Variants in IFNG-AS1 observed in about 807,000 individuals in gnomAD.
IFNG-AS1 encodes the protein IFNG regulatory antisense RNA 1.
At chr12:67,990,654 C>T (rs1418343148) in intron 1 of IFNG-AS1, among the ~76,000 whole-genome samples, 1 of 151,216 alleles carries the variant, frequency 6.6e-6, no homozygotes, top group Non-Finnish European at 1.5e-5. Flanking sequence ...AGTGCAGTGG[C>T]GCGATCTCAG....
At chr12:68,015,226 C>T (rs1880122595) in intron 3 of IFNG-AS1, among the ~76,000 whole-genome samples, 3 of 152,092 alleles carry the variant, frequency 2.0e-5, no homozygotes, top group Non-Finnish European at 2.9e-5. Context: ...GGCTTCAACT[C>T]GGGGCTGGAT....
At chr12:68,007,008 A>G (rs559273286) in intron 3 of IFNG-AS1, among the ~76,000 whole-genome samples, 1 of 152,310 alleles carries the variant, frequency 6.6e-6, no homozygotes, top group South Asian at 2.1e-4. Flanking sequence ...AAAGGAATAT[A>G]CCCTTAGAAT....
intron 2 of IFNG-AS1, among the ~76,000 whole-genome samples, chr12:68,002,737 A>G (rs1879797934): frequency 6.6e-6 from 1 of 152,166 alleles, no homozygotes; most frequent in Non-Finnish European, 1.5e-5. Context: ...AGCTCATTTC[A>G]TAGATGAGGA....
chr12:68,014,109 A>G (rs988532653), intron 3 of IFNG-AS1, among the ~76,000 whole-genome samples: 15 of 152,192 alleles, frequency 9.9e-5, no homozygotes, highest in African/African-American at 3.6e-4. Flanking sequence ...GTCTCTGAGA[A>G]TGTCATTAAT....
intron 2 of IFNG-AS1, chr12:68,001,448 T>C (rs536778212): frequency 1.2e-5 from 3 of 241,438 alleles, no homozygotes; most frequent in South Asian, 1.3e-4. Context: ...GTAGGTGCTC[T>C]TATTACCAGT....
chr12:68,002,131 G>A (rs1435258037), intron 2 of IFNG-AS1, among the ~76,000 whole-genome samples: 2 of 152,148 alleles, frequency 1.3e-5, no homozygotes, highest in African/African-American at 2.4e-5. Flanking sequence ...GCAAAACAGG[G>A]GTGAGCTGGT....
chr12:68,005,760 T>G (rs569849889), intron 2 of IFNG-AS1, among the ~76,000 whole-genome samples: 1 of 152,152 alleles, frequency 6.6e-6, no homozygotes, highest in Non-Finnish European at 1.5e-5. Context: ...TAAATAATAA[T>G]GTACATTAGA....
intron 3 of IFNG-AS1, among the ~76,000 whole-genome samples, chr12:68,014,394 A>T (rs1211224883): frequency 1.3e-5 from 2 of 152,198 alleles, no homozygotes; most frequent in Non-Finnish European, 2.9e-5. Context: ...ACAAGTTTAC[A>T]TTCCCACCAG....
intron 1 of IFNG-AS1, among the ~76,000 whole-genome samples, chr12:67,990,161 T>C (rs1295869127): frequency 6.6e-6 from 1 of 152,244 alleles, no homozygotes; most frequent in Non-Finnish European, 1.5e-5. Context: ...CAGTTCCAAG[T>C]ATGTATTCTT....
chr12:68,009,749 T>G (rs1879983911), intron 3 of IFNG-AS1, among the ~76,000 whole-genome samples: 1 of 152,150 alleles, frequency 6.6e-6, no homozygotes, highest in African/African-American at 2.4e-5. Context: ...CATTCCGAGA[T>G]CTTGTCTTTT....
chr12:68,000,960 A>G (rs1052335846), intron 2 of IFNG-AS1, among the ~76,000 whole-genome samples: 5 of 152,190 alleles, frequency 3.3e-5, no homozygotes, highest in African/African-American at 9.7e-5. Context: ...ATTTCTATTC[A>G]AAAAGCCTAG....
chr12:68,017,037 C>T (rs1487195556), intron 3 of IFNG-AS1, among the ~76,000 whole-genome samples: 1 of 152,092 alleles, frequency 6.6e-6, no homozygotes, highest in Non-Finnish European at 1.5e-5. Context: ...ACAGAGTGCC[C>T]TACAAGCGAA....
intron 2 of IFNG-AS1, among the ~76,000 whole-genome samples, chr12:67,996,967 ATAAGT>A (rs1879656288): frequency 6.6e-6 from 1 of 152,206 alleles, no homozygotes; most frequent in South Asian, 2.1e-4. Flanking sequence ...AAACAATAAG[ATAAGT>A]TATTATAATA....
chr12:67,991,446 T>G (rs1435290228), intron 1 of IFNG-AS1, among the ~76,000 whole-genome samples: 1 of 151,992 alleles, frequency 6.6e-6, no homozygotes, highest in African/African-American at 2.4e-5. Flanking sequence ...CAGGGCACAC[T>G]CAGGAGACCA....
chr12:67,994,717 T>A (rs1879595066), intron 1 of IFNG-AS1, among the ~76,000 whole-genome samples: 1 of 152,198 alleles, frequency 6.6e-6, no homozygotes, highest in Non-Finnish European at 1.5e-5. Flanking sequence ...ATGAAATAGA[T>A]GTACGTGAAG....
chr12:67,993,657 T>C (rs1879568495), intron 1 of IFNG-AS1, among the ~76,000 whole-genome samples: 4 of 152,300 alleles, frequency 2.6e-5, no homozygotes, highest in Admixed American at 2.0e-4. Flanking sequence ...ACCATGAACA[T>C]ATATTATTTT....
chr12:68,004,496 C>A (rs1565689247), intron 2 of IFNG-AS1, among the ~76,000 whole-genome samples: 1 of 152,186 alleles, frequency 6.6e-6, no homozygotes, highest in Non-Finnish European at 1.5e-5. Context: ...CATGTCAGAG[C>A]CCTCTGGATC....
At chr12:68,002,127 CAG>C (rs1414631157) in intron 2 of IFNG-AS1, among the ~76,000 whole-genome samples, 3 of 152,182 alleles carry the variant, frequency 2.0e-5, no homozygotes, top group Non-Finnish European at 4.4e-5. Context: ...TCTAGCAAAA[CAG>C]GGGTGAGCTG....
chr12:67,992,050 C>T (rs1283627214), intron 1 of IFNG-AS1, among the ~76,000 whole-genome samples: 1 of 152,102 alleles, frequency 6.6e-6, no homozygotes, highest in African/African-American at 2.4e-5. Flanking sequence ...CTTCCTCTCT[C>T]TCTCTTTCTC....
Sources: allele counts gnomAD v4.1 joint callset (sites outside exome capture counted in the v4.1 genomes callset), GRCh38; gene constraint gnomAD v4.1.1; transcripts MANE v1.5; gene names NCBI Gene and HGNC (gene_info 2026-07-23, HGNC 2026-07-21).